AGBL4: variants seen among roughly 807,000 people sequenced by gnomAD.
AGBL4 encodes cytosolic carboxypeptidase 6.
In AGBL4, 58 loss-of-function variants were observed where a neutral mutation model predicts 66.4. The observed-to-expected ratio is 0.87, with a 90% confidence interval of 0.71 to 1.09. The LOEUF (loss-of-function observed/expected upper bound fraction) is 1.09. Among genes scored for constraint, AGBL4 ranks in the 50% least tolerant of loss-of-function variants. AGBL4 has a pLI of 0.00. For synonymous variants in AGBL4, 234 were observed against 222.9 expected (o/e 1.05, Z -0.44); for missense variants, 579 against 631.0 (o/e 0.92, Z 0.88).
intron 5 of AGBL4, among the ~76,000 whole-genome samples, chr1:48,918,554 G>A (rs758853100): frequency 2.0e-5 from 3 of 152,288 alleles, no homozygotes; most frequent in Admixed American, 6.5e-5. Flanking sequence ...TCAGGGTAGA[G>A]CACTCACAAG....
chr1:49,937,718 A>C (rs972801620), intron 1 of AGBL4, among the ~76,000 whole-genome samples: 6 of 152,232 alleles, frequency 3.9e-5, no homozygotes, highest in Non-Finnish European at 7.3e-5. Context: ...GTAGAAACTG[A>C]ACAACCTGCT....
At chr1:48,835,981 T>C (rs1646661408) in intron 6 of AGBL4, among the ~76,000 whole-genome samples, 1 of 151,904 alleles carries the variant, frequency 6.6e-6, no homozygotes, top group Non-Finnish European at 1.5e-5. Flanking sequence ...TTTAAGCCAG[T>C]GGAGATGGAA....
intron 4 of AGBL4, among the ~76,000 whole-genome samples, chr1:49,195,724 C>G (rs2148217628): frequency 6.6e-6 from 1 of 152,154 alleles, no homozygotes; most frequent in South Asian, 2.1e-4. Context: ...AAATTTTTGT[C>G]AATTCTTTTC....
At chr1:49,369,875 C>T (rs987035051) in intron 3 of AGBL4, among the ~76,000 whole-genome samples, 40 of 151,628 alleles carry the variant, frequency 2.6e-4, no homozygotes, top group African/African-American at 9.4e-4. Context: ...ATAAAGCTCA[C>T]GAAAATGAAG....
chr1:49,161,349 G>T (rs998045544), intron 4 of AGBL4, among the ~76,000 whole-genome samples: 1 of 152,196 alleles, frequency 6.6e-6, no homozygotes, highest in African/African-American at 2.4e-5. Flanking sequence ...GTGATGCCCC[G>T]CCCTGCTTTG....
At chr1:49,060,367 G>A (rs745718898) in intron 4 of AGBL4, among the ~76,000 whole-genome samples, 6 of 152,242 alleles carry the variant, frequency 3.9e-5, no homozygotes, top group South Asian at 2.1e-4. Context: ...CCAGCCATGC[G>A]GAACTGTGAG....
chr1:49,290,107 AAC>A (rs1217491783), intron 3 of AGBL4, among the ~76,000 whole-genome samples: 1 of 152,340 alleles, frequency 6.6e-6, no homozygotes, highest in Admixed American at 6.5e-5. Context: ...ATTACTCAAA[AAC>A]ACAATTTATT....
At chr1:49,810,231 T>A (rs965670633) in intron 2 of AGBL4, among the ~76,000 whole-genome samples, 1 of 152,056 alleles carries the variant, frequency 6.6e-6, no homozygotes, top group Non-Finnish European at 1.5e-5. Context: ...TCTGTGGGAC[T>A]CCAGAGTGCC....
intron 1 of AGBL4, among the ~76,000 whole-genome samples, chr1:49,876,170 C>T (rs1228210649): frequency 6.8e-6 from 1 of 146,036 alleles, no homozygotes; most frequent in African/African-American, 2.6e-5. Flanking sequence ...AATTAGATCC[C>T]ATTTGTCAAT....
intron 4 of AGBL4, among the ~76,000 whole-genome samples, chr1:49,166,860 C>G (rs986204539): frequency 1.3e-5 from 2 of 152,138 alleles, no homozygotes; most frequent in African/African-American, 4.8e-5. Flanking sequence ...AGTCTATAAC[C>G]TAACTTACTG....
intron 11 of AGBL4, among the ~76,000 whole-genome samples, chr1:48,561,387 T>A (rs755358232): frequency 6.6e-6 from 1 of 152,146 alleles, no homozygotes; most frequent in Non-Finnish European, 1.5e-5. Flanking sequence ...ATGTAGTAAT[T>A]ATGTAATCTT....
chr1:48,839,937 T>G (rs963109257), intron 6 of AGBL4, among the ~76,000 whole-genome samples: 9 of 152,120 alleles, frequency 5.9e-5, no homozygotes, highest in Non-Finnish European at 1.0e-4. Flanking sequence ...TCCTGTAACT[T>G]GCTTCATTCC....
At chr1:49,908,061 T>A (rs1650449116) in intron 1 of AGBL4, among the ~76,000 whole-genome samples, 1 of 152,174 alleles carries the variant, frequency 6.6e-6, no homozygotes, top group Non-Finnish European at 1.5e-5. Flanking sequence ...GCAGCTGAGA[T>A]AAATAAAACT....
chr1:49,137,864 T>C (rs745954308), intron 4 of AGBL4, among the ~76,000 whole-genome samples: 1 of 152,024 alleles, frequency 6.6e-6, no homozygotes, highest in Non-Finnish European at 1.5e-5. Flanking sequence ...CCGAAAATAA[T>C]AATTACAATA....
chr1:48,730,787 T>C (rs1570388194), intron 6 of AGBL4, among the ~76,000 whole-genome samples: 2 of 152,338 alleles, frequency 1.3e-5, no homozygotes, highest in South Asian at 4.1e-4. Flanking sequence ...ACAAGGTTTA[T>C]AACAGTGCTA....
chr1:49,669,656 G>A (rs1356117146), intron 3 of AGBL4, among the ~76,000 whole-genome samples: 1 of 152,236 alleles, frequency 6.6e-6, no homozygotes, highest in South Asian at 2.1e-4. Flanking sequence ...AAGAAGGGAA[G>A]AATAGAGAAA....
chr1:48,938,098 T>C (rs1398908603), intron 5 of AGBL4, among the ~76,000 whole-genome samples: 3 of 152,222 alleles, frequency 2.0e-5, no homozygotes, highest in South Asian at 2.1e-4. Context: ...GTATGGTTCA[T>C]GGTAGGCATT....
At chr1:48,583,636 G>T (rs562993010) in intron 11 of AGBL4, among the ~76,000 whole-genome samples, 1 of 152,316 alleles carries the variant, frequency 6.6e-6, no homozygotes, top group Admixed American at 6.5e-5. Flanking sequence ...CCTCAGACAG[G>T]TTACAGGACT....
chr1:48,619,482 A>G (rs1305261013), intron 9 of AGBL4, among the ~76,000 whole-genome samples: 1 of 152,154 alleles, frequency 6.6e-6, no homozygotes, highest in African/African-American at 2.4e-5. Context: ...AGTGCCTGGC[A>G]CTTAATGGAT....
Sources: allele counts gnomAD v4.1 joint callset (sites outside exome capture counted in the v4.1 genomes callset), GRCh38; gene constraint gnomAD v4.1.1; transcripts MANE v1.5; gene names NCBI Gene and HGNC (gene_info 2026-07-23, HGNC 2026-07-21).